The following NSMCE2 variants were observed in gnomAD, a reference collection of about 807,000 sequenced individuals.
NSMCE2 encodes NSE2 SUMO ligase component of SMC5/6 complex.
In NSMCE2, 24 loss-of-function variants were observed where a neutral mutation model predicts 23.8. The observed-to-expected ratio is 1.01, with a 90% confidence interval of 0.73 to 1.42. The LOEUF (loss-of-function observed/expected upper bound fraction) is 1.42, where lower values mean the gene tolerates loss of function less well. Ranked by LOEUF, NSMCE2 falls within the 40% of genes most tolerant of loss-of-function variation. The pLI is 0.00. For synonymous variants in NSMCE2, 92 were observed against 94.1 expected, an observed-to-expected ratio of 0.98 and a Z score of 0.13; for missense variants, 284 against 296.5, an observed-to-expected ratio of 0.96 and a Z score of 0.31.
intron 5 of NSMCE2, among the ~76,000 whole-genome samples, chr8:125,321,950 T>A (rs1180500327): frequency 3.3e-5 from 5 of 152,232 alleles, no homozygotes; most frequent in Non-Finnish European, 5.9e-5. Context: ...ACTCAGGAGG[T>A]TGAGCATCTT....
chr8:125,334,945 G>A (rs1472981549), intron 5 of NSMCE2, among the ~76,000 whole-genome samples: 4 of 151,352 alleles, frequency 2.6e-5, no homozygotes, highest in Admixed American at 2.0e-4. Context: ...TTGTAGAGGC[G>A]GAGTCTCACT....
At position 125,216,593 on chromosome 8, in the gene NSMCE2, C is replaced by T. The variant is rs981118145; in HGVS notation, c.418+34337C>T. 2.6e-5 allele frequency among the ~76,000 whole-genome samples: 4 copies of T among 151,012 alleles called. No homozygotes were observed. The East Asian group carries it at 7.8e-4, about 29-fold the overall frequency. ...AGGTTGCGGTGATCCGAGATTGCACCATTGCACTCCAGCCTGGGCAACAAG... is the reference window on the plus strand; with the variant it reads ...AGGTTGCGGTGATCCGAGATTGCACTATTGCACTCCAGCCTGGGCAACAAG... On this transcript the variant is annotated intron_variant, in intron 5 of 7. Transcript: ENST00000287437.
intron 5 of NSMCE2, among the ~76,000 whole-genome samples, chr8:125,234,459 T>C (rs1489479012): frequency 6.6e-6 from 1 of 152,222 alleles, no homozygotes; most frequent in East Asian, 1.9e-4. Context: ...TCTTTCTTGC[T>C]CTGAATCTTT....
chr8:125,140,732 C>T (rs1463348696), intron 3 of NSMCE2, among the ~76,000 whole-genome samples: 5 of 152,036 alleles, frequency 3.3e-5, no homozygotes, highest in Non-Finnish European at 7.4e-5. Flanking sequence ...GGTATTTGGT[C>T]AAAGCCAGAC....
intron 5 of NSMCE2, among the ~76,000 whole-genome samples, chr8:125,290,318 TAATAAA>T (rs1019789822): frequency 6.6e-6 from 1 of 151,968 alleles, no homozygotes; most frequent in African/African-American, 2.4e-5. Flanking sequence ...AAAAAAAAAT[TAATAAA>T]TAGAAAAAAT....
At chr8:125,221,746 A>T (rs1824868833) in intron 5 of NSMCE2, among the ~76,000 whole-genome samples, 1 of 152,228 alleles carries the variant, frequency 6.6e-6, no homozygotes, top group African/African-American at 2.4e-5. Flanking sequence ...GTAATTTTAT[A>T]CAATGTTTTT....
chr8:125,261,402 A>G (rs1377939461), intron 5 of NSMCE2, among the ~76,000 whole-genome samples: 1 of 152,192 alleles, frequency 6.6e-6, no homozygotes, highest in African/African-American at 2.4e-5. Flanking sequence ...TTATTGAAGC[A>G]TCTGCTCTTT....
intron 4 of NSMCE2, among the ~76,000 whole-genome samples, chr8:125,152,177 A>G (rs1369293874): frequency 1.3e-5 from 2 of 152,234 alleles, no homozygotes; most frequent in African/African-American, 4.8e-5. Context: ...CTTTAAGAAT[A>G]TCACCTATAT....
chr8:125,312,839 G>A (rs769183466), intron 5 of NSMCE2, among the ~76,000 whole-genome samples: 3 of 152,044 alleles, frequency 2.0e-5, no homozygotes, highest in Non-Finnish European at 4.4e-5. Context: ...GTACGGGGCC[G>A]GTTGGAGAAG....
At chr8:125,126,332 T>A (rs1819516378) in intron 3 of NSMCE2, among the ~76,000 whole-genome samples, 1 of 149,916 alleles carries the variant, frequency 6.7e-6, no homozygotes, top group African/African-American at 2.5e-5. Context: ...GATTGCGCCA[T>A]AGCACTCCAG....
chr8:125,146,365 T>C (rs1399934186), intron 3 of NSMCE2, among the ~76,000 whole-genome samples: 1 of 152,232 alleles, frequency 6.6e-6, no homozygotes, highest in Non-Finnish European at 1.5e-5. Context: ...TACTTCAGTT[T>C]TCTCATATGT....
chr8:125,238,452 A>G (rs1279319211), intron 5 of NSMCE2, among the ~76,000 whole-genome samples: 2 of 152,254 alleles, frequency 1.3e-5, no homozygotes, highest in Non-Finnish European at 2.9e-5. Flanking sequence ...GCCAAGAAGG[A>G]TATCAGCACA....
intron 5 of NSMCE2, among the ~76,000 whole-genome samples, chr8:125,309,542 G>C (rs1017762587): frequency 6.6e-6 from 1 of 152,112 alleles, no homozygotes; most frequent in Non-Finnish European, 1.5e-5. Context: ...GGACAACATA[G>C]CGAGACCCCT....
At chr8:125,291,337 A>G (rs749240397) in intron 5 of NSMCE2, among the ~76,000 whole-genome samples, 8 of 152,258 alleles carry the variant, frequency 5.3e-5, no homozygotes, top group Non-Finnish European at 8.8e-5. Flanking sequence ...AGGTTGCTGT[A>G]AAGAACTATA....
At chr8:125,340,900 A>G (rs867511797) in intron 5 of NSMCE2, among the ~76,000 whole-genome samples, 1 of 152,146 alleles carries the variant, frequency 6.6e-6, no homozygotes, top group Non-Finnish European at 1.5e-5. Context: ...TTAGTGTGCT[A>G]ATTACATCCC....
intron 3 of NSMCE2, among the ~76,000 whole-genome samples, chr8:125,117,566 G>T (rs1819070680): frequency 6.6e-6 from 1 of 151,810 alleles, no homozygotes; most frequent in African/African-American, 2.4e-5. Flanking sequence ...AAGAGATGGG[G>T]TCTTACTCTG....
chr8:125,247,362 A>G (rs1386501975), intron 5 of NSMCE2, among the ~76,000 whole-genome samples: 1 of 152,166 alleles, frequency 6.6e-6, no homozygotes, highest in Non-Finnish European at 1.5e-5. Flanking sequence ...CACTTCCACT[A>G]AAACCACATA....
intron 3 of NSMCE2, among the ~76,000 whole-genome samples, chr8:125,114,272 GCC>G (rs1040362150): frequency 6.6e-6 from 1 of 152,100 alleles, no homozygotes; most frequent in Non-Finnish European, 1.5e-5. Context: ...GTCTGTGTCT[GCC>G]CTGAATGTAT....
chr8:125,296,343 G>A (rs1195994376), intron 5 of NSMCE2, among the ~76,000 whole-genome samples: 1 of 151,446 alleles, frequency 6.6e-6, no homozygotes, highest in Non-Finnish European at 1.5e-5. Context: ...CCCAAACAGG[G>A]AAGCAAACTG....
Sources: gnomAD v4.1 joint callset for allele counts (sites outside exome capture counted in the v4.1 genomes callset) on GRCh38, gnomAD v4.1.1 for gene constraint, MANE v1.5 for transcripts, NCBI Gene and HGNC (gene_info 2026-07-23, HGNC 2026-07-21) for gene names.